The following SEC61B variants were observed in gnomAD, a reference collection of about 807,000 sequenced individuals.
The protein encoded by SEC61B is protein transport protein Sec61 subunit beta.
Under a neutral mutation model 12.6 loss-of-function variants are expected in SEC61B, and 7 were observed. The ratio of observed to expected loss-of-function variants is 0.55; its 90% CI spans 0.32 to 1.04. The LOEUF (loss-of-function observed/expected upper bound fraction) is 1.04. Ranked by LOEUF, SEC61B falls within the 50% of genes least tolerant of loss-of-function variation. SEC61B has a pLI of 0.05. For missense variants in SEC61B, 107 were observed against 130.1 expected, an observed-to-expected ratio of 0.82 and a Z score of 0.86; for synonymous variants, 54 against 50.1, an observed-to-expected ratio of 1.08 and a Z score of -0.33.
intron 2 of SEC61B, among the ~76,000 whole-genome samples, chr9:99,226,842 G>T (rs745944769): frequency 2.0e-5 from 3 of 152,164 alleles, no homozygotes; most frequent in African/African-American, 7.2e-5. Context: ...CCAGGGCTGC[G>T]TGTATTACAT....
intron 1 of SEC61B, 68 bp downstream of exon 1, chr9:99,222,434 T>A: frequency 6.2e-7 from 1 of 1,610,968 alleles, no homozygotes; most frequent in Non-Finnish European, 8.5e-7. Flanking sequence ...TGCGCCGTGC[T>A]TTTCCTCTGT....
At chr9:99,226,877 C>T (rs1465743405) in intron 2 of SEC61B, among the ~76,000 whole-genome samples, 1 of 152,106 alleles carries the variant, frequency 6.6e-6, no homozygotes, top group Admixed American at 6.5e-5. Context: ...GCCTTGATCC[C>T]CTTGTGAGAG....
intron 2 of SEC61B, among the ~76,000 whole-genome samples, chr9:99,224,173 A>G (rs1828870912): frequency 6.6e-6 from 1 of 152,262 alleles, no homozygotes; most frequent in Admixed American, 6.5e-5. Context: ...TGCAACAGGT[A>G]AATCTAAAAC....
At chr9:99,225,108 T>TTATA (rs1828879678) in intron 2 of SEC61B, among the ~76,000 whole-genome samples, 1 of 152,220 alleles carries the variant, frequency 6.6e-6, no homozygotes, top group Non-Finnish European at 1.5e-5. Context: ...TAGCCACCAA[T>TTATA]GTATAGACAT....
rs113916288 is a variant in SEC61B, at chr9:99,223,975, C to G, written c.101+1332C>G. On this transcript the variant is annotated intron_variant, in intron 2 of 3. Transcript: ENST00000223641. ...ACTTTAACAGAGAACCTGCTCAAGT[C>G]ATTTCTATCCCAGGTACCCACCATA... Among the ~76,000 whole-genome samples the G allele has an allele frequency of 1.5e-3, 224 of 152,306 alleles. 2 individuals are homozygous for G. The highest frequency in any genetic ancestry group is 5.2e-3 in the African/African-American group (217 of 41,554).
intron 1 of SEC61B, 86 bp downstream of exon 1, chr9:99,222,452 T>C (rs990571820): frequency 1.2e-6 from 2 of 1,607,718 alleles, no homozygotes; most frequent in Admixed American, 3.3e-5. Flanking sequence ...TGTAGCTCCC[T>C]TGCTTCCCCC....
intron 2 of SEC61B, chr9:99,223,044 TC>T (rs777953893): frequency 1.2e-5 from 2 of 164,390 alleles, no homozygotes; most frequent in Non-Finnish European, 2.6e-5. Flanking sequence ...CTCAATTATA[TC>T]TCCTTACTTC....
chr9:99,223,282 C>T (rs1194283151), intron 2 of SEC61B: 2 of 151,192 alleles, frequency 1.3e-5, no homozygotes, highest in African/African-American at 4.9e-5. Context: ...TGCTGTTACT[C>T]TTCTGCGTAG....
intron 3 of SEC61B, among the ~76,000 whole-genome samples, chr9:99,229,335 C>G (rs1213586364): frequency 6.6e-6 from 1 of 151,832 alleles, no homozygotes; most frequent in Non-Finnish European, 1.5e-5. Context: ...ATTTTTTTTT[C>G]TCCTTTAGCG....
intron 2 of SEC61B, among the ~76,000 whole-genome samples, chr9:99,226,043 CTG>C (rs775218239): frequency 9.9e-5 from 15 of 152,242 alleles, no homozygotes; most frequent in Non-Finnish European, 1.6e-4. Context: ...ATGAATCTTT[CTG>C]TAAATCCCTG....
chr9:99,228,703 G>A (rs1056539870), intron 3 of SEC61B, among the ~76,000 whole-genome samples: 1 of 152,190 alleles, frequency 6.6e-6, no homozygotes, highest in Non-Finnish European at 1.5e-5. Flanking sequence ...ATGAGGATTC[G>A]AAATAATAAC....
At chr9:99,229,579 A>T (rs1051324866) in intron 3 of SEC61B, among the ~76,000 whole-genome samples, 3 of 152,190 alleles carry the variant, frequency 2.0e-5, no homozygotes. Context: ...TCCTGGCCTC[A>T]GCCTCTCAAA....
At chr9:99,228,116 G>A in intron 3 of SEC61B, 116 bp downstream of exon 3, 1 of 745,690 alleles carries the variant, frequency 1.3e-6, no homozygotes, top group Non-Finnish European at 2.2e-6. Flanking sequence ...GTACACAACA[G>A]CCTCATTTGT....
intron 2 of SEC61B, among the ~76,000 whole-genome samples, chr9:99,227,063 C>G (rs1828905769): frequency 6.6e-6 from 1 of 151,904 alleles, no homozygotes; most frequent in Non-Finnish European, 1.5e-5. Flanking sequence ...GTCAGGAGTT[C>G]AAGACCAGCC....
In SEC61B at chr9:99,228,042, G is replaced by T. The variant is rs562432385; in HGVS notation, c.203+42G>T. 6.5e-5 allele frequency: 95 copies of T among 1,462,246 alleles called. 1 individual carries two copies. In the South Asian group the frequency reaches 1.0e-3, roughly 16 times the overall value. The allele number at this position is 1,462,246 out of a possible 1,614,324, so 90.6% of individuals were successfully genotyped here. Reference sequence around the variant, plus strand: ...GTCCTTGTGTTTCTGTCCAGTGGCAGCAGAGCAGCAGTGGCAGCACTCTGT... The same window carrying T: ...GTCCTTGTGTTTCTGTCCAGTGGCATCAGAGCAGCAGTGGCAGCACTCTGT... On this transcript the variant is annotated intron_variant, in intron 3 of 3. Transcript: ENST00000223641.
Position 99,228,011 on chromosome 9 carries a change from G to C in SEC61B, c.203+11G>C. 1.9e-6 allele frequency: 3 copies of C among 1,602,858 alleles called. No individual in the cohort carries two copies. The highest frequency in any genetic ancestry group is 2.6e-6 in the Non-Finnish European group (3 of 1,170,202). On this transcript the variant is annotated intron_variant, in intron 3 of 3. Transcript: ENST00000223641. ...ACCTGGGCTCAAAGTGTAAGTCTTA[G>C]GAACAGTCCTTGTGTTTCTGTCCAG... is the stretch of plus-strand genomic sequence containing the variant.
chr9:99,222,642 A>C lies in SEC61B; in HGVS notation c.100A>C (p.Arg34=), dbSNP rs1198669365. 4 of 1,540,730 alleles carry C rather than the reference A, an allele frequency of 2.6e-6. No individual in the cohort carries two copies. The South Asian group carries it at 3.6e-5, about 14-fold the overall frequency. ...ARAAGSTVRQ[R]KNASCGTRSA... is the part of the protein sequence containing the mutation. ...GGCGGCGGGATCCACTGTCCGGCAG[A>C]GGTAAGGAACCCTGCAGTTCGTTCG... The change falls in exon 2 of 4, where the codon AGG becomes CGG. Residue 34 remains arginine, a splice_region_variant and synonymous_variant. Transcript: ENST00000223641.
At chr9:99,222,944 A>G in intron 2 of SEC61B, 1 of 288,644 alleles carries the variant, frequency 3.5e-6, no homozygotes. Context: ...TTGCACTCAC[A>G]TTTCCATCTG....
chr9:99,223,813 G>A (rs71501900), intron 2 of SEC61B, among the ~76,000 whole-genome samples: 2,336 of 152,294 alleles, frequency 0.015, 24 homozygotes, highest in Non-Finnish European at 0.023. Context: ...CCAAGACTAA[G>A]CTCAGGGGTT....
Sources: allele counts gnomAD v4.1 joint callset (sites outside exome capture counted in the v4.1 genomes callset), GRCh38; gene constraint gnomAD v4.1.1; transcripts MANE v1.5; gene names NCBI Gene and HGNC (gene_info 2026-07-23, HGNC 2026-07-21).